Variants in SRPK1 observed in about 807,000 individuals in gnomAD.
SRPK1 encodes SRSF protein kinase 1.
SRPK1 carries 52 observed loss-of-function variants against 89.5 expected under a neutral mutation model. The observed-to-expected ratio is 0.58, with a 90% confidence interval of 0.46 to 0.73. The LOEUF (loss-of-function observed/expected upper bound fraction) is 0.73. Among genes scored for constraint, SRPK1 ranks in the 30% least tolerant of loss-of-function variants. SRPK1 has a pLI of 0.00. For missense variants in SRPK1, 603 were observed against 780.6 expected, an observed-to-expected ratio of 0.77 and a Z score of 2.71; for synonymous variants, 255 against 270.2, an observed-to-expected ratio of 0.94 and a Z score of 0.55.
chr6:35,881,002 T>C (rs1770276425), intron 6 of SRPK1, among the ~76,000 whole-genome samples: 1 of 151,976 alleles, frequency 6.6e-6, no homozygotes, highest in Admixed American at 6.6e-5. Flanking sequence ...AGCAAGTTTC[T>C]CATCAAAAAT....
chr6:35,854,098 G>A (rs1485200016), intron 13 of SRPK1, among the ~76,000 whole-genome samples: 3 of 151,968 alleles, frequency 2.0e-5, no homozygotes, highest in African/African-American at 7.3e-5. Context: ...TTACAGGCAT[G>A]TGCCACCATG....
chr6:35,891,727 CA>C (rs71540131), intron 2 of SRPK1, among the ~76,000 whole-genome samples: 5,042 of 93,974 alleles, frequency 0.054, 97 homozygotes, highest in Non-Finnish European at 0.076. Context: ...AACTCTGTCT[CA>C]AAAAAAAAAA....
intron 12 of SRPK1, among the ~76,000 whole-genome samples, chr6:35,863,994 A>G (rs1769841203): frequency 6.6e-6 from 1 of 152,200 alleles, no homozygotes; most frequent in South Asian, 2.1e-4. Flanking sequence ...CCATATGCAG[A>G]AAAATGAAAC....
intron 6 of SRPK1, among the ~76,000 whole-genome samples, chr6:35,875,631 G>C (rs1301768108): frequency 6.6e-6 from 1 of 152,076 alleles, no homozygotes; most frequent in African/African-American, 2.4e-5. Context: ...CTTTAGAGAA[G>C]AAAGCCAAAT....
intron 13 of SRPK1, among the ~76,000 whole-genome samples, chr6:35,844,005 G>GT (rs35051574): frequency 0.32 from 39,603 of 125,666 alleles, 6,853 homozygotes; most frequent in South Asian, 0.43. Flanking sequence ...CACAACAGCA[G>GT]TTTTTTTTTT....
intron 13 of SRPK1, among the ~76,000 whole-genome samples, chr6:35,852,028 G>A (rs189115141): frequency 1.0e-3 from 154 of 152,246 alleles, no homozygotes; most frequent in Admixed American, 3.0e-3. Context: ...TTGCCCCAGC[G>A]ATCTAGGGCA....
At chr6:35,899,832 T>C (rs1265147399) in intron 2 of SRPK1, among the ~76,000 whole-genome samples, 1 of 151,622 alleles carries the variant, frequency 6.6e-6, no homozygotes, top group East Asian at 1.9e-4. Context: ...CAAAACCCCA[T>C]CTCTACTAAA....
chr6:35,890,835 C>T, intron 3 of SRPK1, 60 bp downstream of exon 3: 1 of 1,443,350 alleles, frequency 6.9e-7, no homozygotes, highest in Admixed American at 2.4e-5. Flanking sequence ...ATCAAACATC[C>T]AAACGAGAAA....
At chr6:35,860,835 G>T (rs1167806799) in intron 12 of SRPK1, among the ~76,000 whole-genome samples, 1 of 152,072 alleles carries the variant, frequency 6.6e-6, no homozygotes, top group East Asian at 1.9e-4. Flanking sequence ...GGAGAGTGGC[G>T]GTTTGCTAAT....
At chr6:35,842,740 A>C (rs1363797590) in intron 13 of SRPK1, 136 bp from the exon 14 acceptor site, 5 of 519,026 alleles carry the variant, frequency 9.6e-6, no homozygotes, top group African/African-American at 2.0e-5. Context: ...AAAAAAAAAA[A>C]ACAAAAACTT....
chr6:35,867,476 T>C (rs1769930561), intron 12 of SRPK1, among the ~76,000 whole-genome samples: 1 of 152,216 alleles, frequency 6.6e-6, no homozygotes, highest in South Asian at 2.1e-4. Flanking sequence ...AGTACTGTCA[T>C]TTATGTGTGA....
In SRPK1 at chr6:35,869,554, C is replaced by T; in HGVS notation, c.1339G>A (p.Glu447Lys). 1 of 1,613,954 alleles carries T rather than the reference C, an allele frequency of 6.2e-7. No individual in the cohort carries two copies. Among genetic ancestry groups the T allele is most frequent in the Non-Finnish European group, 8.5e-7 (1 of 1,179,878 alleles). Residue 447 changes from glutamate to lysine, a missense_variant, in exon 11 of 16, where the codon GAA (glutamate) becomes AAA (lysine). Glu to Lys is a moderately conservative substitution (Grantham distance 56). Coordinates refer to ENST00000373825, the MANE Select transcript of SRPK1 (RefSeq NM_003137.5). ...CAGGGTATCTCTGCCCGAATGCTTT[C>T]TTGAAGTTGGCTAATGTGTTGTTCA... Reference protein sequence around the residue: ...FSEQHISQLQESIRAEIPCED... With the variant: ...FSEQHISQLQKSIRAEIPCED...
chr6:35,839,630 GC>G (rs368355168), intron 14 of SRPK1, among the ~76,000 whole-genome samples: 8,196 of 133,242 alleles, frequency 0.062, 273 homozygotes, highest in African/African-American at 0.096. Flanking sequence ...TAGATCTACT[GC>G]CCCCCCCCTT....
chr6:35,901,303 G>A lies in SRPK1; in HGVS notation c.75-10290C>T, dbSNP rs552855411. Among the ~76,000 whole-genome samples the A allele has an allele frequency of 2.6e-5, 4 of 152,280 alleles. No homozygotes were observed. In the South Asian group the frequency reaches 6.2e-4, roughly 24 times the overall value. On this transcript the variant is annotated intron_variant, in intron 2 of 15. Transcript: ENST00000373825. Reference sequence around the variant, plus strand: ...AAGATGAGGTTATCAGGATAAGCCCGAATCCAACATGACTACTGTCCTTTT... The same window carrying A: ...AAGATGAGGTTATCAGGATAAGCCCAAATCCAACATGACTACTGTCCTTTT...
rs1279248363 is a variant in SRPK1, at chr6:35,886,260, G to A, written c.478+464C>T. Among the ~76,000 whole-genome samples the A allele has an allele frequency of 4.0e-5, 6 of 151,452 alleles. No homozygotes were observed. The East Asian group carries it at 1.2e-3, about 29-fold the overall frequency. ...CATGCCCAGCTAATTTTTGTATTTTGGTAGAAACAGAGTTTCACCATGTTC... is the reference window on the plus strand; with the variant it reads ...CATGCCCAGCTAATTTTTGTATTTTAGTAGAAACAGAGTTTCACCATGTTC... On this transcript the variant is annotated intron_variant, in intron 6 of 15. Transcript: ENST00000373825.
intron 13 of SRPK1, among the ~76,000 whole-genome samples, chr6:35,848,099 C>A (rs1057347401): frequency 6.6e-6 from 1 of 152,126 alleles, no homozygotes; most frequent in African/African-American, 2.4e-5. Context: ...CTGTGCCCGG[C>A]CTTACTATTG....
intron 13 of SRPK1, among the ~76,000 whole-genome samples, chr6:35,851,394 GAA>G (rs1356896495): frequency 6.6e-6 from 1 of 151,942 alleles, no homozygotes; most frequent in Non-Finnish European, 1.5e-5. Context: ...GCCTGGTCTT[GAA>G]CTCCAGATAT....
intron 12 of SRPK1, among the ~76,000 whole-genome samples, chr6:35,866,103 A>G (rs566602332): frequency 6.6e-6 from 1 of 152,316 alleles, no homozygotes; most frequent in African/African-American, 2.4e-5. Flanking sequence ...CAACAAATAA[A>G]TGAAAAAATG....
rs188654290 is a variant in SRPK1 at position 35,862,972 on chromosome 6, A to C, written c.1513-5604T>G. ...GGAGTTTAAGACAAGCCTGGGCAACATAGTGAGACCTTGTCTCTACTAAAA... is the reference window on the plus strand; with the variant it reads ...GGAGTTTAAGACAAGCCTGGGCAACCTAGTGAGACCTTGTCTCTACTAAAA... On this transcript the variant is annotated intron_variant, in intron 12 of 15. Coordinates refer to ENST00000373825, the MANE Select transcript of SRPK1 (RefSeq NM_003137.5). Among the ~76,000 whole-genome samples, 576 of 151,200 alleles carry C rather than the reference A, an allele frequency of 3.8e-3. 3 individuals carry two copies. The highest frequency in any genetic ancestry group is 4.8e-3 in the Non-Finnish European group (326 of 67,710).
Sources: allele counts gnomAD v4.1 joint callset (sites outside exome capture counted in the v4.1 genomes callset), GRCh38; gene constraint gnomAD v4.1.1; transcripts MANE v1.5; gene names NCBI Gene and HGNC (gene_info 2026-07-23, HGNC 2026-07-21).